The following PJA2 variants were observed in gnomAD, a reference collection of about 807,000 sequenced individuals.
The protein encoded by PJA2 is praja ring finger ubiquitin ligase 2, also known as E3 ubiquitin-protein ligase Praja-2.
Under a neutral mutation model 69.3 loss-of-function variants are expected in PJA2, and 25 were observed. That is an observed-to-expected ratio of 0.36 (90% CI 0.26 to 0.50). The LOEUF (loss-of-function observed/expected upper bound fraction) is 0.50, where lower values mean the gene tolerates loss of function less well. Among genes scored for constraint, PJA2 ranks in the 20% least tolerant of loss-of-function variants. The pLI, the probability that PJA2 is intolerant of heterozygous loss-of-function variation, is 0.96. For synonymous variants in PJA2, 308 were observed against 277.8 expected (o/e 1.11, Z -1.08); for missense variants, 809 against 830.2 (o/e 0.97, Z 0.31).
intron 4 of PJA2, among the ~76,000 whole-genome samples, chr5:109,376,242 C>CTATATA (rs1488219964): frequency 1.9e-5 from 2 of 107,854 alleles, no homozygotes; most frequent in Admixed American, 2.2e-4. Flanking sequence ...TTTTTCCCAT[C>CTATATA]TATATATTGT....
intron 1 of PJA2, among the ~76,000 whole-genome samples, chr5:109,392,991 C>T (rs1364719525): frequency 2.0e-5 from 3 of 151,838 alleles, no homozygotes; most frequent in East Asian, 1.9e-4. Flanking sequence ...AAATAAGGGG[C>T]CAATGAACTG....
intron 1 of PJA2, among the ~76,000 whole-genome samples, chr5:109,397,943 TCAAA>T (rs1309640324): frequency 6.6e-6 from 1 of 151,774 alleles, no homozygotes; most frequent in Non-Finnish European, 1.5e-5. Flanking sequence ...TACAAAGAAC[TCAAA>T]CAAACTTACA....
At chr5:109,386,911 A>C (rs1747172048) in intron 1 of PJA2, among the ~76,000 whole-genome samples, 1 of 152,188 alleles carries the variant, frequency 6.6e-6, no homozygotes, top group African/African-American at 2.4e-5. Flanking sequence ...ATAATTTCAC[A>C]AAGACTTGTT....
In PJA2 at chr5:109,371,651, A is replaced by G. The variant is rs1762677516; in HGVS notation, c.1284-2905T>C. On this transcript the variant is annotated intron_variant, in intron 4 of 9. Coordinates refer to ENST00000361189, the MANE Select transcript of PJA2 (RefSeq NM_014819.5). ...GCATTCTGAATACTACCATCACTTC[A>G]ATTTACATATCAAACAGTATGTTTA... Among the ~76,000 whole-genome samples the G allele has an allele frequency of 2.6e-5, 4 of 152,180 alleles. No homozygotes were observed. The South Asian group carries it at 8.3e-4, about 31-fold the overall frequency.
intron 1 of PJA2, among the ~76,000 whole-genome samples, chr5:109,407,954 A>T (rs1379582201): frequency 6.6e-6 from 1 of 152,182 alleles, no homozygotes; most frequent in Non-Finnish European, 1.5e-5. Context: ...CCTTATTCAA[A>T]ATAGCTAAGG....
intron 1 of PJA2, among the ~76,000 whole-genome samples, chr5:109,405,263 G>T (rs1042867220): frequency 3.3e-5 from 5 of 152,146 alleles, no homozygotes; most frequent in Non-Finnish European, 5.9e-5. Flanking sequence ...ACTACAAAAT[G>T]CTGACAAAGG....
intron 7 of PJA2, 148 bp downstream of exon 7, chr5:109,355,767 T>TA (rs1310488533): frequency 3.9e-6 from 2 of 518,916 alleles, no homozygotes; most frequent in African/African-American, 1.9e-5. Context: ...TGTATGCACA[T>TA]ACTGGTGACA....
At chr5:109,390,818 A>G (rs1344622682) in intron 1 of PJA2, 1 of 152,158 alleles carries the variant, frequency 6.6e-6, no homozygotes, top group Non-Finnish European at 1.5e-5. Flanking sequence ...GAAGCTCTAA[A>G]TAACTTACCT....
At position 109,378,831 on chromosome 5, in the gene PJA2, A is replaced by G. The variant is rs1331694222; in HGVS notation, c.656T>C (p.Val219Ala). 2 of 1,613,820 alleles carry G rather than the reference A, an allele frequency of 1.2e-6. No homozygotes were observed. Among genetic ancestry groups the G allele is most frequent in the South Asian group, 2.2e-5 (2 of 91,076 alleles). The change falls in exon 4 of 10, where the codon GTT becomes GCT. Residue 219 changes from valine to alanine, a missense_variant. Coordinates refer to ENST00000361189, the MANE Select transcript of PJA2 (RefSeq NM_014819.5). ...TCTTACTTCACAGTTAAATGAGGGA[A>G]CTGGTGGTGAAAGACCAGTGTATGC... ...AEAYTGLSPPVPSFNCEVRDE... is the reference protein window; with the variant it reads ...AEAYTGLSPPAPSFNCEVRDE...
At position 109,399,177 on chromosome 5, in the gene PJA2, C is replaced by T. The variant is rs139681869; in HGVS notation, c.-88+10665G>A. Among the ~76,000 whole-genome samples, 125 of 50,170 alleles carry T rather than the reference C, an allele frequency of 2.5e-3. 2 individuals are homozygous for T. Among genetic ancestry groups the T allele is most frequent in the African/African-American group, 9.4e-3 (120 of 12,800 alleles). The allele number at this position is 50,170 out of a possible 152,430, so 32.9% of individuals were successfully genotyped here. A position where few individuals can be genotyped will look rare whatever the true frequency, so the allele number is the denominator to read the frequency against. ...AGTGAGCCGAGATCACGCTAATGCA[C>T]TCCAGCCTGGGTGACAGAGTGCAAC... On this transcript the variant is annotated intron_variant, in intron 1 of 9. Coordinates refer to ENST00000361189, the MANE Select transcript of PJA2 (RefSeq NM_014819.5).
chr5:109,381,815 T>A, intron 2 of PJA2, 112 bp from the exon 3 acceptor site: 1 of 850,762 alleles, frequency 1.2e-6, no homozygotes, highest in South Asian at 1.7e-5. Flanking sequence ...ATCATATGCT[T>A]CTGAACATGA....
At chr5:109,376,625 G>C (rs993942513) in intron 4 of PJA2, among the ~76,000 whole-genome samples, 3 of 151,904 alleles carry the variant, frequency 2.0e-5, no homozygotes, top group African/African-American at 7.3e-5. Flanking sequence ...AAGAAAAAGT[G>C]TAACTGGGGG....
At chr5:109,400,020 T>G (rs543096611) in intron 1 of PJA2, among the ~76,000 whole-genome samples, 2 of 152,184 alleles carry the variant, frequency 1.3e-5, no homozygotes, top group East Asian at 3.9e-4. Context: ...CCAGGCTCAG[T>G]GGCTCACACC....
At chr5:109,349,706 G>A (rs998312807) in intron 7 of PJA2, among the ~76,000 whole-genome samples, 12 of 152,162 alleles carry the variant, frequency 7.9e-5, no homozygotes, top group Non-Finnish European at 1.5e-4. Flanking sequence ...AGATGGACTA[G>A]GGACTCTTCC....
chr5:109,403,130 TGA>T (rs1459886033), intron 1 of PJA2, among the ~76,000 whole-genome samples: 1 of 150,962 alleles, frequency 6.6e-6, no homozygotes, highest in South Asian at 2.1e-4. Context: ...CAAATAAAAA[TGA>T]GAGGTCACAC....
chr5:109,397,575 G>T (rs550603177), intron 1 of PJA2, among the ~76,000 whole-genome samples: 1 of 152,042 alleles, frequency 6.6e-6, no homozygotes, highest in African/African-American at 2.4e-5. Flanking sequence ...CTGGAGGGCA[G>T]TGGTGCGATC....
chr5:109,409,511 C>G (rs1286375250), intron 1 of PJA2, among the ~76,000 whole-genome samples: 1 of 152,044 alleles, frequency 6.6e-6, no homozygotes, highest in Non-Finnish European at 1.5e-5. Flanking sequence ...GCCAAGTCAC[C>G]AAGGACAGCA....
intron 6 of PJA2, among the ~76,000 whole-genome samples, chr5:109,358,460 G>A (rs1762454358): frequency 6.6e-6 from 1 of 152,180 alleles, no homozygotes; most frequent in Admixed American, 6.5e-5. Context: ...AAGGCTGTGA[G>A]ACCCCTGATT....
chr5:109,386,551 T>G (rs1285081288), intron 1 of PJA2, among the ~76,000 whole-genome samples: 1 of 152,194 alleles, frequency 6.6e-6, no homozygotes, highest in Admixed American at 6.5e-5. Context: ...AGTCTACGTG[T>G]TTTCAAGGGC....
Sources: allele counts gnomAD v4.1 joint callset (sites outside exome capture counted in the v4.1 genomes callset), GRCh38; gene constraint gnomAD v4.1.1; transcripts MANE v1.5; gene names NCBI Gene and HGNC (gene_info 2026-07-23, HGNC 2026-07-21).